Variants in CSMD1 observed in about 807,000 individuals in gnomAD.
CSMD1 encodes the protein CUB and sushi domain-containing protein 1.
A neutral mutation model predicts 417.5 loss-of-function variants in CSMD1; 213 were observed. The ratio of observed to expected loss-of-function variants is 0.51; its 90% CI spans 0.46 to 0.57. CSMD1 has a LOEUF of 0.57. Among genes scored for constraint, CSMD1 ranks in the 20% least tolerant of loss-of-function variants. The probability of loss-of-function intolerance (pLI) is 0.00; values close to 1 mark genes in which losing one functional copy is unlikely to be tolerated. For missense variants in CSMD1, 6,923 were observed against 4,529.7 expected (o/e 1.53, Z -15.17); for synonymous variants, 2,862 against 1,736.8 (o/e 1.65, Z -16.11).
chr8:4,391,042 G>C (rs1563124123), intron 3 of CSMD1, among the ~76,000 whole-genome samples: 1 of 152,186 alleles, frequency 6.6e-6, no homozygotes, highest in Non-Finnish European at 1.5e-5. Flanking sequence ...CTGGGATCCT[G>C]TTTAAACCCC....
intron 1 of CSMD1, among the ~76,000 whole-genome samples, chr8:4,814,867 T>TA (rs1245401340): frequency 2.6e-5 from 4 of 152,228 alleles, no homozygotes; most frequent in African/African-American, 9.6e-5. Context: ...TAGATACTAT[T>TA]AGCTCATATT....
At chr8:3,434,713 G>A (rs1238989636) in intron 12 of CSMD1, among the ~76,000 whole-genome samples, 1 of 152,026 alleles carries the variant, frequency 6.6e-6, no homozygotes, top group East Asian at 1.9e-4. Flanking sequence ...TCATTTTGCT[G>A]CTGAATAAAA....
chr8:3,264,940 T>C (rs1563202231), intron 26 of CSMD1, among the ~76,000 whole-genome samples: 1 of 152,154 alleles, frequency 6.6e-6, no homozygotes, highest in Non-Finnish European at 1.5e-5. Flanking sequence ...AGCTTATATA[T>C]TCTTTAATAA....
intron 3 of CSMD1, among the ~76,000 whole-genome samples, chr8:4,164,383 C>G (rs1797336796): frequency 6.6e-6 from 1 of 152,102 alleles, no homozygotes. Context: ...GGACAGAGAA[C>G]ACTTACACAT....
intron 8 of CSMD1, among the ~76,000 whole-genome samples, chr8:3,605,969 C>T (rs995876657): frequency 2.0e-5 from 3 of 152,214 alleles, no homozygotes; most frequent in Non-Finnish European, 4.4e-5. Flanking sequence ...GAGGAGTCTT[C>T]TGCCTTGTGT....
chr8:4,338,209 T>C (rs1002483029), intron 3 of CSMD1, among the ~76,000 whole-genome samples: 1 of 152,172 alleles, frequency 6.6e-6, no homozygotes, highest in Non-Finnish European at 1.5e-5. Flanking sequence ...GAGATGCATG[T>C]CATAGTTCTT....
At chr8:3,176,671 T>A (rs1002875147) in intron 37 of CSMD1, among the ~76,000 whole-genome samples, 1 of 152,174 alleles carries the variant, frequency 6.6e-6, no homozygotes, top group Non-Finnish European at 1.5e-5. Flanking sequence ...TTTAACAACG[T>A]AAAAATACTG....
intron 3 of CSMD1, among the ~76,000 whole-genome samples, chr8:4,144,661 G>A (rs58476036): frequency 2.0e-5 from 3 of 150,998 alleles, no homozygotes; most frequent in Non-Finnish European, 2.9e-5. Context: ...ATAATCAGCA[G>A]GACCTCTATG....
chr8:3,022,175 C>T (rs1344696386), intron 51 of CSMD1, among the ~76,000 whole-genome samples: 3 of 148,162 alleles, frequency 2.0e-5, no homozygotes, highest in African/African-American at 5.0e-5. Flanking sequence ...CGGAATGCAC[C>T]GGCAATCCCA....
chr8:4,634,998 C>A (rs4875372), intron 2 of CSMD1, among the ~76,000 whole-genome samples: 20,270 of 152,026 alleles, frequency 0.13, 1,423 homozygotes, highest in Non-Finnish European at 0.15. Flanking sequence ...TCTACGTATG[C>A]GGATAGGAGG....
At chr8:4,579,616 C>A (rs1799319997) in intron 2 of CSMD1, among the ~76,000 whole-genome samples, 1 of 152,048 alleles carries the variant, frequency 6.6e-6, no homozygotes, top group South Asian at 2.1e-4. Context: ...CCAACCTTGG[C>A]CTCCCAAAGT....
At chr8:4,584,919 G>A (rs1247322468) in intron 2 of CSMD1, among the ~76,000 whole-genome samples, 1 of 152,002 alleles carries the variant, frequency 6.6e-6, no homozygotes. Context: ...AATTTAGACT[G>A]GATTAAGGAG....
intron 5 of CSMD1, among the ~76,000 whole-genome samples, chr8:3,809,414 G>T (rs151193683): frequency 2.0e-5 from 3 of 152,300 alleles, no homozygotes; most frequent in Non-Finnish European, 4.4e-5. Flanking sequence ...GTAAACCTTT[G>T]TTTCCTTCTC....
At chr8:4,409,673 C>T (rs964793961) in intron 3 of CSMD1, among the ~76,000 whole-genome samples, 1 of 143,894 alleles carries the variant, frequency 6.9e-6, no homozygotes, top group Non-Finnish European at 1.5e-5. Context: ...AACACATAAA[C>T]CAGATAAAGA....
chr8:4,686,243 C>T (rs1250675185), intron 1 of CSMD1, among the ~76,000 whole-genome samples: 1 of 152,216 alleles, frequency 6.6e-6, no homozygotes, highest in Non-Finnish European at 1.5e-5. Context: ...GGATTTTCCT[C>T]TTGCCAAGCA....
chr8:3,582,697 A>G (rs189634697), intron 9 of CSMD1, among the ~76,000 whole-genome samples: 16 of 152,358 alleles, frequency 1.1e-4, no homozygotes, highest in Non-Finnish European at 1.9e-4. Flanking sequence ...AAAGTATGAA[A>G]AAAAGAAAAT....
intron 1 of CSMD1, among the ~76,000 whole-genome samples, chr8:4,824,854 A>T (rs1285093950): frequency 6.6e-6 from 1 of 152,148 alleles, no homozygotes; most frequent in Non-Finnish European, 1.5e-5. Context: ...CTGTATCTCC[A>T]AGTGAAATGT....
intron 2 of CSMD1, among the ~76,000 whole-genome samples, chr8:4,612,161 G>A (rs1309091436): frequency 4.6e-5 from 7 of 152,122 alleles, no homozygotes; most frequent in East Asian, 1.9e-4. Flanking sequence ...GGAGACGGTC[G>A]GTGGCTTGAA....
chr8:3,971,451 G>A (rs551278608), intron 5 of CSMD1, among the ~76,000 whole-genome samples: 1 of 151,922 alleles, frequency 6.6e-6, no homozygotes, highest in Non-Finnish European at 1.5e-5. Flanking sequence ...TTTGGGATTC[G>A]ACTAATGCAA....
Sources: allele counts gnomAD v4.1 joint callset (sites outside exome capture counted in the v4.1 genomes callset), GRCh38; gene constraint gnomAD v4.1.1; transcripts MANE v1.5; gene names NCBI Gene and HGNC (gene_info 2026-07-23, HGNC 2026-07-21).